The following KANSL1 variants were observed in gnomAD, a reference collection of about 807,000 sequenced individuals.
KANSL1 encodes the protein KAT8 regulatory NSL complex subunit 1.
A neutral mutation model predicts 103.6 loss-of-function variants in KANSL1; 22 were observed. That is an observed-to-expected ratio of 0.21 (90% CI 0.15 to 0.30). The LOEUF is 0.30. Ranked by LOEUF, KANSL1 falls within the 10% of genes least tolerant of loss-of-function variation. The probability of loss-of-function intolerance (pLI) is 1.00; values close to 1 mark genes in which losing one functional copy is unlikely to be tolerated. For synonymous variants in KANSL1, 600 were observed against 527.6 expected, an observed-to-expected ratio of 1.14 and a Z score of -1.88; for missense variants, 1,337 against 1,399.8, an observed-to-expected ratio of 0.96 and a Z score of 0.72.
chr17:46,101,886 T>C (rs2042337853), intron 2 of KANSL1, among the ~76,000 whole-genome samples: 1 of 151,576 alleles, frequency 6.6e-6, no homozygotes, highest in African/African-American at 2.4e-5. Flanking sequence ...CTCAGATAAA[T>C]TCAGGAAACA....
At chr17:46,116,399 G>A (rs2043049447) in intron 2 of KANSL1, among the ~76,000 whole-genome samples, 1 of 152,152 alleles carries the variant, frequency 6.6e-6, no homozygotes, top group Non-Finnish European at 1.5e-5. Flanking sequence ...GCGTGGTGGT[G>A]CGTGCCTGTA....
chr17:46,208,319 G>T (rs924007460), intron 1 of KANSL1, among the ~76,000 whole-genome samples: 1 of 151,840 alleles, frequency 6.6e-6, no homozygotes, highest in Non-Finnish European at 1.5e-5. Flanking sequence ...GAGATATATA[G>T]TACTCCAAGG....
At chr17:46,133,759 G>C (rs867262467) in intron 2 of KANSL1, among the ~76,000 whole-genome samples, 7 of 152,192 alleles carry the variant, frequency 4.6e-5, no homozygotes, top group African/African-American at 7.2e-5. Context: ...ACTCATGAAG[G>C]AGTTTTTTAA....
At chr17:46,173,801 T>G (rs914496649) in intron 1 of KANSL1, among the ~76,000 whole-genome samples, 2 of 152,220 alleles carry the variant, frequency 1.3e-5, no homozygotes, top group Non-Finnish European at 2.9e-5. Context: ...ACAGCAAAAA[T>G]TATGAATTAT....
chr17:46,052,794 TAAA>T (rs35162336), intron 6 of KANSL1, among the ~76,000 whole-genome samples: 19,814 of 118,252 alleles, frequency 0.17, 1,964 homozygotes, highest in Middle Eastern at 0.27. Context: ...AATTTAAAAT[TAAA>T]AAAAAAAAAA....
chr17:46,036,715 A>C, intron 10 of KANSL1, among the ~76,000 whole-genome samples: 1 of 149,716 alleles, frequency 6.7e-6, no homozygotes, highest in African/African-American at 2.4e-5. Flanking sequence ...TATCTGGCCT[A>C]TCTTCTTTCT....
chr17:46,042,565 G>C (rs1393363906), intron 7 of KANSL1: 3 of 152,204 alleles, frequency 2.0e-5, no homozygotes. Flanking sequence ...GCTACTCACT[G>C]ATCCAGAGGA....
At chr17:46,098,426 T>C (rs1194004159) in intron 2 of KANSL1, among the ~76,000 whole-genome samples, 1 of 152,250 alleles carries the variant, frequency 6.6e-6, no homozygotes, top group South Asian at 2.1e-4. Context: ...TTTTTCATCC[T>C]GGCATTCTAA....
At position 46,214,258 on chromosome 17, in the gene KANSL1, A is replaced by G. The variant is rs1024007020; in HGVS notation, c.-90+9413T>C. 3.0e-4 allele frequency among the ~76,000 whole-genome samples: 46 copies of G among 152,228 alleles called. 1 individual carries two copies. The highest frequency in any genetic ancestry group is 1.0e-3 in the Admixed American group (16 of 15,280). On this transcript the variant is annotated intron_variant, in intron 1 of 14. Transcript: ENST00000572904. Reference sequence around the variant, plus strand: ...CAAAGAGTAAGGCCAAGACTGGCAAATGCATGTGACTCTCAGCTTTTCCAC... The same window carrying G: ...CAAAGAGTAAGGCCAAGACTGGCAAGTGCATGTGACTCTCAGCTTTTCCAC...
At chr17:46,056,832 A>G (rs953727689) in intron 6 of KANSL1, among the ~76,000 whole-genome samples, 3 of 152,208 alleles carry the variant, frequency 2.0e-5, no homozygotes, top group African/African-American at 7.2e-5. Flanking sequence ...TGATTTCTCA[A>G]CAGCTGGCAC....
intron 2 of KANSL1, among the ~76,000 whole-genome samples, chr17:46,134,664 A>C (rs12941738): frequency 0.11 from 16,327 of 151,554 alleles, 1,232 homozygotes; most frequent in Non-Finnish European, 0.16. Context: ...ACATGGCGAA[A>C]CCCCACCTCT....
intron 1 of KANSL1, among the ~76,000 whole-genome samples, chr17:46,203,241 A>G (rs528175878): frequency 6.6e-6 from 1 of 152,238 alleles, no homozygotes; most frequent in East Asian, 1.9e-4. Context: ...CTCCGTCTCA[A>G]AAAAAAAGAA....
At chr17:46,070,685 T>A (rs2078541276) in intron 4 of KANSL1, among the ~76,000 whole-genome samples, 1 of 152,134 alleles carries the variant, frequency 6.6e-6, no homozygotes, top group African/African-American at 2.4e-5. Flanking sequence ...AAATGCTGTT[T>A]AAAAATGCTG....
At chr17:46,072,180 T>C (rs2078604319) in intron 4 of KANSL1, among the ~76,000 whole-genome samples, 1 of 152,098 alleles carries the variant, frequency 6.6e-6, no homozygotes. Flanking sequence ...TCGTTTTTTC[T>C]AGGGTCTAAG....
At chr17:46,066,997 T>C (rs920372397) in intron 5 of KANSL1, among the ~76,000 whole-genome samples, 1 of 152,236 alleles carries the variant, frequency 6.6e-6, no homozygotes, top group African/African-American at 2.4e-5. Flanking sequence ...ACTCAAGTTC[T>C]AGTGATTGAG....
At chr17:46,035,587 G>A (rs2077124113) in intron 10 of KANSL1, 1 of 152,084 alleles carries the variant, frequency 6.6e-6, no homozygotes, top group African/African-American at 2.4e-5. Context: ...AGACTTTTGG[G>A]GATCTTGCCT....
intron 12 of KANSL1, 39 bp from the exon 13 acceptor site, chr17:46,033,231 A>T: frequency 6.6e-7 from 1 of 1,522,886 alleles, no homozygotes; most frequent in Non-Finnish European, 9.0e-7. Flanking sequence ...TCTTTTCTCC[A>T]GGAGTTAAGA....
intron 1 of KANSL1, among the ~76,000 whole-genome samples, chr17:46,219,370 T>C (rs1294627018): frequency 6.6e-5 from 10 of 152,210 alleles, no homozygotes; most frequent in Non-Finnish European, 1.2e-4. Context: ...TTTTTTTCTT[T>C]AATGAGACAA....
chr17:46,109,645 T>G (rs2042719536), intron 2 of KANSL1, among the ~76,000 whole-genome samples: 1 of 152,212 alleles, frequency 6.6e-6, no homozygotes, highest in South Asian at 2.1e-4. Flanking sequence ...TTTACCATCC[T>G]AAAAATTGGA....
Sources: allele counts gnomAD v4.1 joint callset (sites outside exome capture counted in the v4.1 genomes callset), GRCh38; gene constraint gnomAD v4.1.1; transcripts MANE v1.5; gene names NCBI Gene and HGNC (gene_info 2026-07-23, HGNC 2026-07-21).